The following DENND4C variants were observed in gnomAD, a reference collection of about 807,000 sequenced individuals.
DENND4C encodes the protein DENN domain containing 4C, also known as DENN domain-containing protein 4C.
A neutral mutation model predicts 203.0 loss-of-function variants in DENND4C; 108 were observed. That is an observed-to-expected ratio of 0.53 (90% CI 0.46 to 0.62). DENND4C has a LOEUF of 0.62. Among genes scored for constraint, DENND4C ranks in the 20% least tolerant of loss-of-function variants. DENND4C has a pLI of 0.00. For synonymous variants in DENND4C, 871 were observed against 792.4 expected (o/e 1.10, Z -1.67); for missense variants, 2,481 against 2,301.2 (o/e 1.08, Z -1.60).
At chr9:19,354,395 A>G (rs1824877545) in intron 26 of DENND4C, among the ~76,000 whole-genome samples, 1 of 152,178 alleles carries the variant, frequency 6.6e-6, no homozygotes, top group Non-Finnish European at 1.5e-5. Flanking sequence ...ATTGCTTCCT[A>G]GACGGCTGCA....
chr9:19,247,665 T>TTTA (rs1307414696), intron 1 of DENND4C, among the ~76,000 whole-genome samples: 2 of 152,126 alleles, frequency 1.3e-5, no homozygotes, highest in Admixed American at 6.6e-5. Flanking sequence ...AAGGACTAGG[T>TTTA]TTATAGGTGT....
chr9:19,372,153 T>A lies in DENND4C; in HGVS notation c.5857T>A (p.Phe1953Ile). ...CAGTGTCGAGTGGTGCAGGAAGTGT[T>A]TTGGAGCGCCTCTCATTTAAATAGA... ...SASVEWCRKC[F>I]GAPLI The change falls in exon 33 of 33, where the codon TTT becomes ATT. Residue 1953 changes from phenylalanine to isoleucine, a missense_variant. Coordinates refer to ENST00000434457, the MANE Select transcript of DENND4C (RefSeq NM_001330640.2). 6.2e-7 allele frequency: 1 copy of A among 1,612,500 alleles called. No individual in the cohort carries two copies. Among genetic ancestry groups the A allele is most frequent in the Non-Finnish European group, 8.5e-7 (1 of 1,179,518 alleles).
Position 19,325,813 on chromosome 9 carries a change from G to C in DENND4C, c.1954-126G>C, listed in dbSNP as rs528084143. The C allele has an allele frequency of 7.1e-6, 6 of 844,174 alleles. No individual in the cohort carries two copies. In the African/African-American group the frequency reaches 1.0e-4, roughly 15 times the overall value. The allele number at this position is 844,174 out of a possible 1,614,324, so 52.3% of individuals were successfully genotyped here. On this transcript the variant is annotated intron_variant, in intron 13 of 32. Transcript: ENST00000434457. ...TATGTATTCAGCCTAAAAATATACTGTGCATGTTTTGTATCAGCTGGTACT... is the reference window on the plus strand; with the variant it reads ...TATGTATTCAGCCTAAAAATATACTCTGCATGTTTTGTATCAGCTGGTACT...
Position 19,347,062 on chromosome 9 carries a change from T to C in DENND4C, c.4293T>C (p.Ser1431=). The change falls in exon 23 of 33, where the codon TCT becomes TCC. Residue 1431 remains serine, a synonymous_variant. Transcript: ENST00000434457. Reference sequence around the variant, plus strand: ...GTAAGATGTGGGTAGCTGTTGCGTCTGCCTACAGCTACTCAGATGATGAGG... The same window carrying C: ...GTAAGATGTGGGTAGCTGTTGCGTCCGCCTACAGCTACTCAGATGATGAGG... The part of the protein sequence containing the change: ...VASKMWVAVA[S]AYSYSDDEEE... The C allele has an allele frequency of 6.2e-7, 1 of 1,613,650 alleles. No individual in the cohort carries two copies. Among genetic ancestry groups the C allele is most frequent in the South Asian group, 1.1e-5 (1 of 91,076 alleles).
At chr9:19,296,379 T>A (rs1031015120) in intron 6 of DENND4C, 133 bp downstream of exon 6, 2 of 679,358 alleles carry the variant, frequency 2.9e-6, no homozygotes, top group Non-Finnish European at 4.9e-6. Flanking sequence ...TTTTTTTTTT[T>A]TTTGAGATGG....
Position 19,316,451 on chromosome 9 carries a change from C to G in DENND4C, c.1522C>G (p.Leu508Val). 1 of 1,613,800 alleles carries G rather than the reference C, an allele frequency of 6.2e-7. No individual in the cohort carries two copies. The highest frequency in any genetic ancestry group is 2.2e-5 in the East Asian group (1 of 44,840). The change falls in exon 11 of 33, where the codon CTT becomes GTT. Residue 508 changes from leucine to valine, a missense_variant. Leu to Val is a conservative substitution (Grantham distance 32). Around this residue, in one of 3 missense-constraint regions of DENND4C, gnomAD observed 2,289 missense variants for 2,113.3 expected, o/e 1.08. Coordinates refer to ENST00000434457, the MANE Select transcript of DENND4C (RefSeq NM_001330640.2). ...AAAGAAGAACATGAACTGGAAGCAA[C>G]TTCCCAAAAAGCCGTGCAAAAATCT... Reference protein sequence around the residue: ...DEKKNMNWKQLPKKPCKNLLS... With the variant: ...DEKKNMNWKQVPKKPCKNLLS...
At chr9:19,291,120 T>G (rs181493115) in intron 5 of DENND4C, among the ~76,000 whole-genome samples, 1 of 152,070 alleles carries the variant, frequency 6.6e-6, no homozygotes, top group Non-Finnish European at 1.5e-5. Flanking sequence ...AACCCAGGTG[T>G]CAAGATGAGA....
intron 12 of DENND4C, among the ~76,000 whole-genome samples, chr9:19,319,141 G>A (rs374279308): frequency 2.0e-5 from 3 of 148,348 alleles, no homozygotes; most frequent in East Asian, 3.9e-4. Flanking sequence ...TCCAGCCTGG[G>A]CAACAAGAGT....
Position 19,346,649 on chromosome 9 carries a change from C to A in DENND4C, c.3880C>A (p.Pro1294Thr). ...EIESYMNLKS[P>T]LGSKSSSMEL... ...AGAAAGCTATATGAACCTAAAAAGTCCCCTAGGTAGTAAATCTTCTAGTAT... is the reference window on the plus strand; with the variant it reads ...AGAAAGCTATATGAACCTAAAAAGTACCCTAGGTAGTAAATCTTCTAGTAT... The change falls in exon 23 of 33, where the codon CCC becomes ACC. Residue 1294 changes from proline (P) to threonine (T), a missense_variant. Coordinates refer to ENST00000434457, the MANE Select transcript of DENND4C (RefSeq NM_001330640.2). 3 of 1,614,080 alleles carry A rather than the reference C, an allele frequency of 1.9e-6. No individual in the cohort carries two copies. Among genetic ancestry groups the A allele is most frequent in the Non-Finnish European group, 1.7e-6 (2 of 1,180,004 alleles).
intron 23 of DENND4C, among the ~76,000 whole-genome samples, chr9:19,347,896 T>C (rs907604401): frequency 6.6e-6 from 1 of 152,194 alleles, no homozygotes; most frequent in Admixed American, 6.5e-5. Flanking sequence ...GCAAAAATAA[T>C]TGTCTTTAAA....
At chr9:19,262,275 TG>T (rs1829567371) in intron 1 of DENND4C, among the ~76,000 whole-genome samples, 1 of 151,470 alleles carries the variant, frequency 6.6e-6, no homozygotes, top group African/African-American at 2.4e-5. Context: ...TTAGTAGAGA[TG>T]GGGGTTTCAC....
In DENND4C at chr9:19,304,617, A is replaced by G. The variant is rs112820393; in HGVS notation, c.1312-735A>G. 3.7e-3 allele frequency among the ~76,000 whole-genome samples: 557 copies of G among 151,076 alleles called. 2 individuals carry two copies. The highest frequency in any genetic ancestry group is 0.013 in the African/African-American group (538 of 41,078). ...AGTGGCACAGTCTCTGCTCACTGCA[A>G]GCTCCACCTCCCAGATTCACGCCAT... On this transcript the variant is annotated intron_variant, in intron 9 of 32. Transcript: ENST00000434457.
intron 1 of DENND4C, among the ~76,000 whole-genome samples, chr9:19,246,760 C>G (rs1363222305): frequency 6.6e-6 from 1 of 151,908 alleles, no homozygotes; most frequent in East Asian, 1.9e-4. Flanking sequence ...TTTATCTAGA[C>G]CTGCACATCC....
intron 9 of DENND4C, among the ~76,000 whole-genome samples, chr9:19,303,373 C>T (rs1368491849): frequency 1.3e-5 from 2 of 152,162 alleles, no homozygotes; most frequent in Non-Finnish European, 2.9e-5. Context: ...CCAAATCCTG[C>T]CTGCCACTTG....
chr9:19,318,553 G>A (rs1188494652), intron 12 of DENND4C, among the ~76,000 whole-genome samples: 2 of 152,126 alleles, frequency 1.3e-5, no homozygotes, highest in Non-Finnish European at 2.9e-5. Context: ...GTTTGCTGGG[G>A]CTGCCATAAC....
chr9:19,316,830 G>T lies in DENND4C; in HGVS notation c.1798G>T (p.Asp600Tyr), dbSNP rs755718494. ...NKATAADSLF[D>Y]RQGFLKSRDR... ...AGCCACAGCTGCTGATTCATTGTTT[G>T]ACCGACAGGGTGAGTAGCATTGAAA... is the stretch of plus-strand genomic sequence containing the variant. Residue 600 changes from aspartate (D) to tyrosine (Y), a missense_variant, in exon 12 of 33, where the codon GAC becomes TAC. Physicochemically the swap from Asp to Tyr is radical, Grantham distance 160. Coordinates refer to ENST00000434457, the MANE Select transcript of DENND4C (RefSeq NM_001330640.2). 3.7e-6 allele frequency: 6 copies of T among 1,612,566 alleles called. No individual in the cohort carries two copies. The highest frequency in any genetic ancestry group is 5.1e-6 in the Non-Finnish European group (6 of 1,179,542).
intron 1 of DENND4C, among the ~76,000 whole-genome samples, chr9:19,236,363 T>G (rs887676810): frequency 6.6e-6 from 1 of 152,186 alleles, no homozygotes; most frequent in Non-Finnish European, 1.5e-5. Context: ...ATAAGACATC[T>G]GATTAAAAAC....
At chr9:19,320,238 T>C (rs1842654623) in intron 12 of DENND4C, among the ~76,000 whole-genome samples, 2 of 152,176 alleles carry the variant, frequency 1.3e-5, no homozygotes, top group South Asian at 4.2e-4. Context: ...TTTGCTGTGT[T>C]GCCCAGGTGG....
chr9:19,347,828 TCTC>T (rs1204568390), intron 23 of DENND4C, among the ~76,000 whole-genome samples: 11 of 152,310 alleles, frequency 7.2e-5, no homozygotes, highest in African/African-American at 2.4e-4. Context: ...ACCTATGTAA[TCTC>T]CTTAATACAT....
Sources: allele counts gnomAD v4.1 joint callset (sites outside exome capture counted in the v4.1 genomes callset), GRCh38; gene constraint gnomAD v4.1.1; regional missense constraint gnomAD v4.1.1; transcripts MANE v1.5; gene names NCBI Gene and HGNC (gene_info 2026-07-23, HGNC 2026-07-21).